DOCK3: variants seen among roughly 807,000 people sequenced by gnomAD.
DOCK3 encodes the protein dedicator of cytokinesis 3.
A neutral mutation model predicts 265.6 loss-of-function variants in DOCK3; 60 were observed. The ratio of observed to expected loss-of-function variants is 0.23; its 90% CI spans 0.18 to 0.28. DOCK3 has a LOEUF of 0.28. Among genes scored for constraint, DOCK3 ranks in the 10% least tolerant of loss-of-function variants. The pLI is 1.00. For synonymous variants in DOCK3, 881 were observed against 938.0 expected, an observed-to-expected ratio of 0.94 and a Z score of 1.11; for missense variants, 1,981 against 2,594.3, an observed-to-expected ratio of 0.76 and a Z score of 5.14.
intron 4 of DOCK3, among the ~76,000 whole-genome samples, chr3:50,921,009 C>G (rs2050424231): frequency 6.6e-6 from 1 of 152,118 alleles, no homozygotes; most frequent in Non-Finnish European, 1.5e-5. Context: ...GTTATGTACC[C>G]AGTAGTCATT....
rs529769319 is a variant in DOCK3, at chr3:50,762,740, C to T, written c.38-15935C>T. Among the ~76,000 whole-genome samples the T allele has an allele frequency of 1.1e-4, 17 of 151,622 alleles. No homozygotes were observed. The South Asian group carries it at 1.7e-3, about 15-fold the overall frequency. ...GGTTTTTTTTTTAATCATGAAAGGG[C>T]GTTAGATTTTGTCAAATGTTATTTC... is the stretch of plus-strand genomic sequence containing the variant. On this transcript the variant is annotated intron_variant, in intron 1 of 52. Transcript: ENST00000266037.
At chr3:50,727,549 T>C (rs911977987) in intron 1 of DOCK3, among the ~76,000 whole-genome samples, 11 of 151,888 alleles carry the variant, frequency 7.2e-5, no homozygotes, top group Non-Finnish European at 1.3e-4. Context: ...AATACAAAAA[T>C]TAGCTGGGTG....
chr3:50,936,676 A>G (rs1199738492), intron 5 of DOCK3, among the ~76,000 whole-genome samples: 1 of 152,196 alleles, frequency 6.6e-6, no homozygotes, highest in East Asian at 1.9e-4. Flanking sequence ...GAAAAAAACA[A>G]AACAGATTAC....
intron 5 of DOCK3, among the ~76,000 whole-genome samples, chr3:50,988,036 G>A (rs1233369337): frequency 6.6e-6 from 1 of 152,206 alleles, no homozygotes; most frequent in Non-Finnish European, 1.5e-5. Flanking sequence ...AGCAGTGACA[G>A]TCTGCAGGCT....
At chr3:51,220,668 A>T (rs58488974) in intron 14 of DOCK3, among the ~76,000 whole-genome samples, 15,570 of 108,656 alleles carry the variant, frequency 0.14, 1,138 homozygotes, top group South Asian at 0.34. Context: ...AAAAAAAAAA[A>T]AAATATATAT....
chr3:51,241,946 T>A (rs748664719), intron 21 of DOCK3, among the ~76,000 whole-genome samples: 15 of 152,214 alleles, frequency 9.9e-5, no homozygotes, highest in Non-Finnish European at 1.6e-4. Context: ...CTCAGCCCAG[T>A]TCAGAACCCT....
At chr3:50,846,849 G>A (rs370995539) in intron 3 of DOCK3, among the ~76,000 whole-genome samples, 1 of 152,016 alleles carries the variant, frequency 6.6e-6, no homozygotes, top group African/African-American at 2.4e-5. Flanking sequence ...ATTTGTGTGG[G>A]ATTGGCTATA....
chr3:51,347,704 C>T (rs952776566), intron 38 of DOCK3, among the ~76,000 whole-genome samples: 3 of 152,156 alleles, frequency 2.0e-5, no homozygotes, highest in African/African-American at 7.2e-5. Context: ...ATGGGGATGG[C>T]ATTGAATCTA....
chr3:50,714,247 G>A (rs553001031), intron 1 of DOCK3, among the ~76,000 whole-genome samples: 3 of 152,210 alleles, frequency 2.0e-5, no homozygotes, highest in South Asian at 2.1e-4. Context: ...CCATGTCTTG[G>A]CACTCCCTTT....
chr3:51,213,375 G>A (rs1226831799), intron 13 of DOCK3, among the ~76,000 whole-genome samples: 3 of 152,036 alleles, frequency 2.0e-5, no homozygotes, highest in Non-Finnish European at 4.4e-5. Flanking sequence ...TAGCTGCAGC[G>A]GGGACCCTCA....
At position 50,899,794 on chromosome 3, in the gene DOCK3, G is replaced by T. The variant is rs150105468; in HGVS notation, c.218+9713G>T. The stretch of plus-strand genomic sequence containing the variant: ...GAAAATTCTTTTCTTTAAGAATGTT[G>T]AATATTGCTCCTCTACCCCCCACTT... On this transcript the variant is annotated intron_variant, in intron 4 of 52. Coordinates refer to ENST00000266037, the MANE Select transcript of DOCK3 (RefSeq NM_004947.5). Among the ~76,000 whole-genome samples, 73 of 152,296 alleles carry T rather than the reference G, an allele frequency of 4.8e-4. No individual in the cohort carries two copies. The East Asian group carries it at 0.013, about 27-fold the overall frequency.
At chr3:50,796,805 G>C (rs2042812893) in intron 2 of DOCK3, among the ~76,000 whole-genome samples, 2 of 151,752 alleles carry the variant, frequency 1.3e-5, no homozygotes, top group Non-Finnish European at 2.9e-5. Context: ...TGAGGGTTTT[G>C]ATTGCGGTAT....
chr3:51,173,113 T>A (rs2086769430), intron 12 of DOCK3, among the ~76,000 whole-genome samples: 1 of 152,070 alleles, frequency 6.6e-6, no homozygotes, highest in South Asian at 2.1e-4. Flanking sequence ...TACCAGTGAG[T>A]TTATACTTTC....
chr3:51,162,547 G>A (rs1010450173), intron 12 of DOCK3, among the ~76,000 whole-genome samples: 2 of 152,168 alleles, frequency 1.3e-5, no homozygotes, highest in Non-Finnish European at 2.9e-5. Flanking sequence ...AAGGACTAAA[G>A]AGAAATCCAA....
intron 27 of DOCK3, among the ~76,000 whole-genome samples, chr3:51,281,274 A>AATATAAATATATATATATATAT (rs1312141308): frequency 8.0e-6 from 1 of 125,694 alleles, no homozygotes; most frequent in African/African-American, 3.0e-5. Context: ...GATGAGCTAA[A>AATATAAATATATATATATATAT]ATATATATAT....
At chr3:50,856,009 C>T (rs185374125) in intron 3 of DOCK3, among the ~76,000 whole-genome samples, 250 of 152,324 alleles carry the variant, frequency 1.6e-3, no homozygotes, top group African/African-American at 5.8e-3. Context: ...CTGCAAAGGA[C>T]GTGATCTCAT....
rs146367527 is a variant in DOCK3 at position 51,289,449 on chromosome 3, C to G, written c.2922+9245C>G. Among the ~76,000 whole-genome samples the G allele has an allele frequency of 6.9e-3, 1,046 of 152,210 alleles. 5 individuals are homozygous for G. The highest frequency in any genetic ancestry group is 0.024 in the Middle Eastern group (7 of 294). Reference sequence around the variant, plus strand: ...CAAAAGATAAAAGAATCAAAGCATACCACTAGACAGCCATCCAGCCACAAA... The same window carrying G: ...CAAAAGATAAAAGAATCAAAGCATAGCACTAGACAGCCATCCAGCCACAAA... On this transcript the variant is annotated intron_variant, in intron 27 of 52. Transcript: ENST00000266037.
At chr3:50,803,892 C>T (rs1017175040) in intron 2 of DOCK3, among the ~76,000 whole-genome samples, 1 of 151,898 alleles carries the variant, frequency 6.6e-6, no homozygotes, top group African/African-American at 2.4e-5. Flanking sequence ...GGCTGTCCCC[C>T]ACCTCCTGGA....
chr3:50,913,352 A>G (rs2049959424), intron 4 of DOCK3, among the ~76,000 whole-genome samples: 1 of 150,874 alleles, frequency 6.6e-6, no homozygotes, highest in African/African-American at 2.4e-5. Flanking sequence ...AAGTCTTCCC[A>G]CTCTTTCCTT....
Sources: allele counts gnomAD v4.1 joint callset (sites outside exome capture counted in the v4.1 genomes callset), GRCh38; gene constraint gnomAD v4.1.1; transcripts MANE v1.5; gene names NCBI Gene and HGNC (gene_info 2026-07-23, HGNC 2026-07-21).